ATP6V0D2: variants seen among roughly 807,000 people sequenced by gnomAD.
ATP6V0D2 encodes V-type proton ATPase subunit d 2.
In ATP6V0D2, 40 loss-of-function variants were observed where a neutral mutation model predicts 40.0. The observed-to-expected ratio is 1.00, with a 90% CI of 0.78 to 1.30. ATP6V0D2 has a LOEUF of 1.30. ATP6V0D2 is among the 50% of genes most tolerant of loss of function. The pLI, the probability that ATP6V0D2 is intolerant of heterozygous loss-of-function variation, is 0.00. For synonymous variants in ATP6V0D2, 179 were observed against 156.3 expected (o/e 1.15, Z -1.08); for missense variants, 470 against 423.1 (o/e 1.11, Z -0.97).
intron 1 of ATP6V0D2, among the ~76,000 whole-genome samples, chr8:86,102,653 G>T (rs1229565824): frequency 2.0e-5 from 3 of 152,232 alleles, no homozygotes; most frequent in Non-Finnish European, 4.4e-5. Flanking sequence ...TTTGAAAAGT[G>T]TTAGTATTCA....
At chr8:86,103,378 G>T (rs1299933104) in intron 1 of ATP6V0D2, among the ~76,000 whole-genome samples, 5 of 151,008 alleles carry the variant, frequency 3.3e-5, no homozygotes, top group African/African-American at 9.8e-5. Context: ...TGATCCGCCT[G>T]CCTTGGCCTC....
chr8:86,133,712 T>C (rs1292091119), intron 2 of ATP6V0D2, among the ~76,000 whole-genome samples: 1 of 151,982 alleles, frequency 6.6e-6, no homozygotes, highest in Non-Finnish European at 1.5e-5. Context: ...AAATGCTCGA[T>C]GGGGACCCAG....
chr8:86,116,550 T>C (rs1356768614), intron 2 of ATP6V0D2, among the ~76,000 whole-genome samples: 1 of 152,212 alleles, frequency 6.6e-6, no homozygotes, highest in East Asian at 1.9e-4. Flanking sequence ...GCTATATGTG[T>C]CATGACTCCA....
rs760914896 is a variant in ATP6V0D2 at position 86,099,052 on chromosome 8, C to T, written c.74C>T (p.Ala25Val). ...YLEGLVRGCKASLLTQQDYIN... is the reference protein window; with the variant it reads ...YLEGLVRGCKVSLLTQQDYIN... ...GAGGGCCTGGTTCGAGGATGCAAGGCCAGCCTCCTGACCCAGCAAGACTAT... is the reference window on the plus strand; with the variant it reads ...GAGGGCCTGGTTCGAGGATGCAAGGTCAGCCTCCTGACCCAGCAAGACTAT... Residue 25 changes from alanine to valine, a missense_variant, in exon 1 of 8, where the codon GCC becomes GTC. Physicochemically the swap from Ala to Val is moderately conservative, Grantham distance 64. Coordinates refer to ENST00000285393, the MANE Select transcript of ATP6V0D2 (RefSeq NM_152565.1). The T allele has an allele frequency of 1.2e-6, 2 of 1,613,832 alleles. No individual in the cohort carries two copies.
chr8:86,135,296 TATC>T (rs1380437414), intron 2 of ATP6V0D2, among the ~76,000 whole-genome samples: 4 of 152,228 alleles, frequency 2.6e-5, no homozygotes, highest in Non-Finnish European at 5.9e-5. Flanking sequence ...ATGTGGTAGT[TATC>T]ATACAGAAAA....
intron 2 of ATP6V0D2, 21 bp downstream of exon 2, chr8:86,113,901 C>T (rs1818560301): frequency 1.3e-6 from 2 of 1,599,482 alleles, no homozygotes; most frequent in African/African-American, 2.7e-5. Context: ...ACAGAAAGCC[C>T]TAATAAGCCC....
chr8:86,137,698 A>G (rs969131274), intron 2 of ATP6V0D2, among the ~76,000 whole-genome samples: 2 of 152,112 alleles, frequency 1.3e-5, no homozygotes, highest in African/African-American at 4.8e-5. Flanking sequence ...CTAACTGTCA[A>G]GCCCAGAAAC....
At chr8:86,125,385 G>C (rs1818726348) in intron 2 of ATP6V0D2, among the ~76,000 whole-genome samples, 1 of 152,130 alleles carries the variant, frequency 6.6e-6, no homozygotes, top group African/African-American at 2.4e-5. Flanking sequence ...TTTCAGGATG[G>C]AGACTGAAAT....
At chr8:86,107,171 C>A (rs1388507982) in intron 1 of ATP6V0D2, among the ~76,000 whole-genome samples, 1 of 151,716 alleles carries the variant, frequency 6.6e-6, no homozygotes, top group Non-Finnish European at 1.5e-5. Context: ...GAAGGTGAAC[C>A]AAATCTTGAA....
At chr8:86,119,264 T>C (rs902066225) in intron 2 of ATP6V0D2, among the ~76,000 whole-genome samples, 1 of 131,756 alleles carries the variant, frequency 7.6e-6, no homozygotes, top group African/African-American at 2.8e-5. Flanking sequence ...ATGGAGTCAC[T>C]CTCACCCAGG....
chr8:86,125,482 T>G (rs1818727943), intron 2 of ATP6V0D2, among the ~76,000 whole-genome samples: 1 of 152,052 alleles, frequency 6.6e-6, no homozygotes, highest in Non-Finnish European at 1.5e-5. Context: ...ATGAAAGAGG[T>G]TTTTTACTAA....
At chr8:86,104,561 A>T (rs1275207266) in intron 1 of ATP6V0D2, among the ~76,000 whole-genome samples, 1 of 152,170 alleles carries the variant, frequency 6.6e-6, no homozygotes, top group Non-Finnish European at 1.5e-5. Context: ...ACCTAGCTAC[A>T]AAGAAACTGT....
At chr8:86,134,265 A>G (rs1818867079) in intron 2 of ATP6V0D2, among the ~76,000 whole-genome samples, 1 of 152,212 alleles carries the variant, frequency 6.6e-6, no homozygotes, top group Non-Finnish European at 1.5e-5. Context: ...AAGATGAAGG[A>G]AAGCTAGGAG....
intron 2 of ATP6V0D2, among the ~76,000 whole-genome samples, chr8:86,137,138 C>T (rs1818909277): frequency 3.3e-5 from 5 of 152,280 alleles, no homozygotes; most frequent in South Asian, 4.2e-4. Flanking sequence ...TAATTTCAGA[C>T]ACACAATGGC....
In ATP6V0D2 at chr8:86,113,898, G is replaced by A; in HGVS notation, c.302+18G>A. ...TATATGACGTAAGTGATGACAGAAA[G>A]CCCTAATAAGCCCCAATGTACTCGT... is the stretch of plus-strand genomic sequence containing the variant. On this transcript the variant is annotated intron_variant, in intron 2 of 7. Transcript: ENST00000285393. 6.2e-7 allele frequency: 1 copy of A among 1,600,032 alleles called. No homozygotes were observed. Among genetic ancestry groups the A allele is most frequent in the Middle Eastern group, 1.7e-4 (1 of 5,976 alleles).
intron 4 of ATP6V0D2, among the ~76,000 whole-genome samples, chr8:86,142,580 G>A (rs1249243193): frequency 1.3e-5 from 2 of 152,194 alleles, no homozygotes; most frequent in Non-Finnish European, 2.9e-5. Flanking sequence ...TGGCACTCTT[G>A]TTAAAATAGC....
intron 2 of ATP6V0D2, among the ~76,000 whole-genome samples, chr8:86,116,658 A>G (rs1818594927): frequency 6.6e-6 from 1 of 152,190 alleles, no homozygotes. Context: ...ATTAGACGAG[A>G]TCAGGCACGT....
At chr8:86,148,615 T>C (rs963681137) in intron 5 of ATP6V0D2, among the ~76,000 whole-genome samples, 1 of 152,144 alleles carries the variant, frequency 6.6e-6, no homozygotes, top group African/African-American at 2.4e-5. Context: ...GCACTTCTAA[T>C]GAGTTTCCAG....
intron 1 of ATP6V0D2, among the ~76,000 whole-genome samples, chr8:86,100,290 C>T (rs1818378818): frequency 6.6e-6 from 1 of 151,698 alleles, no homozygotes; most frequent in Admixed American, 6.6e-5. Flanking sequence ...GCTACACTCA[C>T]TGATTTTGAA....
Sources: allele counts gnomAD v4.1 joint callset (sites outside exome capture counted in the v4.1 genomes callset), GRCh38; gene constraint gnomAD v4.1.1; transcripts MANE v1.5; gene names NCBI Gene and HGNC (gene_info 2026-07-23, HGNC 2026-07-21).